Variants in HS3ST5 observed in about 807,000 individuals in gnomAD.
HS3ST5 encodes the protein heparan sulfate-glucosamine 3-sulfotransferase 5.
Under a neutral mutation model 25.4 loss-of-function variants are expected in HS3ST5, and 10 were observed. The ratio of observed to expected loss-of-function variants is 0.39; its 90% CI spans 0.24 to 0.67. The LOEUF (loss-of-function observed/expected upper bound fraction) is 0.67, where lower values mean the gene tolerates loss of function less well. HS3ST5 is among the 30% of genes least tolerant of loss of function. The pLI, the probability that HS3ST5 is intolerant of heterozygous loss-of-function variation, is 0.44. For missense variants in HS3ST5, 324 were observed against 420.7 expected (o/e 0.77, Z 2.01); for synonymous variants, 170 against 162.4 (o/e 1.05, Z -0.36).
chr6:114,321,477 G>A (rs1471336552), intron 1 of HS3ST5, among the ~76,000 whole-genome samples: 1 of 152,042 alleles, frequency 6.6e-6, no homozygotes, highest in African/African-American at 2.4e-5. Flanking sequence ...TCTGGCTTGA[G>A]TTATTGCTCT....
chr6:114,253,296 G>C (rs1002320580), intron 1 of HS3ST5, among the ~76,000 whole-genome samples: 6 of 152,094 alleles, frequency 3.9e-5, no homozygotes, highest in African/African-American at 1.4e-4. Flanking sequence ...AAGATATTTT[G>C]CGTATTTGGA....
At chr6:114,058,912 T>C (rs1772935243) in intron 4 of HS3ST5, 1 of 152,224 alleles carries the variant, frequency 6.6e-6, no homozygotes, top group Non-Finnish European at 1.5e-5. Flanking sequence ...AAGTGCTGTA[T>C]ATCACCTACC....
intron 1 of HS3ST5, among the ~76,000 whole-genome samples, chr6:114,233,234 T>A (rs1771691613): frequency 6.6e-6 from 1 of 152,172 alleles, no homozygotes; most frequent in African/African-American, 2.4e-5. Flanking sequence ...GAATTACTTA[T>A]AAGTATATTG....
At chr6:114,204,616 T>G (rs552646470) in intron 2 of HS3ST5, among the ~76,000 whole-genome samples, 3 of 152,312 alleles carry the variant, frequency 2.0e-5, no homozygotes, top group Non-Finnish European at 4.4e-5. Context: ...AGTATTTTTT[T>G]GGGTAATTTT....
chr6:114,184,054 CTTTTTTTTTTT>C (rs34370810), intron 2 of HS3ST5, among the ~76,000 whole-genome samples: 7 of 78,692 alleles, frequency 8.9e-5, no homozygotes, highest in African/African-American at 2.5e-4. Flanking sequence ...TTTTTCCTTT[CTTTTTTTTTTT>C]TTTTTTTTTT....
At chr6:114,301,904 G>GA (rs1350528152) in intron 1 of HS3ST5, among the ~76,000 whole-genome samples, 5 of 152,090 alleles carry the variant, frequency 3.3e-5, no homozygotes, top group African/African-American at 1.2e-4. Flanking sequence ...TTTTTAAGAA[G>GA]AAAAAATAGC....
chr6:114,057,773 G>A lies in HS3ST5; in HGVS notation c.525C>T (p.Ser175=). 6.2e-7 allele frequency: 1 copy of A among 1,614,110 alleles called. No individual in the cohort carries two copies. Among genetic ancestry groups the A allele is most frequent in the Non-Finnish European group, 8.5e-7 (1 of 1,180,016 alleles). Residue 175 remains serine (S), a synonymous_variant, in exon 5 of 5, where the codon TCC becomes TCT. Coordinates refer to ENST00000312719, the MANE Select transcript of HS3ST5 (RefSeq NM_153612.4). ...CCCTGACAATGATCAACAACTTGAT[G>A]GATGAGTTCATTTTGTAAATCCTTT... ...VPERIYKMNS[S]IKLLIIVREP... is the part of the protein sequence containing the mutation.
At chr6:114,294,078 A>G (rs1259953937) in intron 1 of HS3ST5, among the ~76,000 whole-genome samples, 2 of 152,218 alleles carry the variant, frequency 1.3e-5, no homozygotes, top group Non-Finnish European at 2.9e-5. Context: ...GAGGGCACCT[A>G]ATCTCAATAA....
chr6:114,140,015 T>G (rs1161194471), intron 3 of HS3ST5, among the ~76,000 whole-genome samples: 1 of 152,210 alleles, frequency 6.6e-6, no homozygotes. Context: ...CTTTCCTGAG[T>G]GATGGATACA....
At position 114,057,238 on chromosome 6, in the gene HS3ST5, T is replaced by C. The variant is rs1244869454; in HGVS notation, c.*19A>G. 6.5e-7 allele frequency: 1 copy of C among 1,546,528 alleles called. No homozygotes were observed. On this transcript the variant is annotated 3_prime_UTR_variant, in exon 5 of 5. Coordinates refer to ENST00000312719, the MANE Select transcript of HS3ST5 (RefSeq NM_153612.4). ...GTGTGTCTCCAGGCACAACACATAG[T>C]GTTGTATGACATATTATTTTAGGGC...
At chr6:114,256,159 T>C (rs545528331) in intron 1 of HS3ST5, among the ~76,000 whole-genome samples, 5 of 152,094 alleles carry the variant, frequency 3.3e-5, no homozygotes, top group East Asian at 3.9e-4. Flanking sequence ...GAGGCCAAGG[T>C]GGGCAGATCA....
At chr6:114,084,304 C>A (rs1489542741) in intron 3 of HS3ST5, 2 of 771,260 alleles carry the variant, frequency 2.6e-6, no homozygotes, top group Non-Finnish European at 4.7e-6. Flanking sequence ...CACCTGCACA[C>A]CTTCAGACCA....
At chr6:114,312,087 C>A (rs1258783050) in intron 1 of HS3ST5, among the ~76,000 whole-genome samples, 1 of 152,088 alleles carries the variant, frequency 6.6e-6, no homozygotes, top group African/African-American at 2.4e-5. Context: ...TGAATTTAGG[C>A]AAAACTAATA....
chr6:114,235,616 T>G (rs1278661753), intron 1 of HS3ST5: 1 of 152,212 alleles, frequency 6.6e-6, no homozygotes, highest in Non-Finnish European at 1.5e-5. Context: ...TTTTGGATTT[T>G]TTTTCTTCTT....
intron 3 of HS3ST5, chr6:114,142,923 A>C (rs1777980445): frequency 6.6e-6 from 1 of 152,234 alleles, no homozygotes; most frequent in African/African-American, 2.4e-5. Flanking sequence ...TTGCCTAAAC[A>C]CATTAACGGG....
Position 114,282,239 on chromosome 6 carries a change from C to T in HS3ST5, c.-338-53461G>A, listed in dbSNP as rs115799606. Among the ~76,000 whole-genome samples the T allele has an allele frequency of 2.1e-3, 313 of 152,052 alleles. 1 individual carries two copies. The highest frequency in any genetic ancestry group is 7.3e-3 in the African/African-American group (302 of 41,516). ...CCATTTTTCTTGTTTACTTTGAAGG[C>T]TACCTCTCAAAAATGTAACATGCAG... On this transcript the variant is annotated intron_variant, in intron 1 of 4. Transcript: ENST00000312719.
chr6:114,236,765 A>G (rs1426476649), intron 1 of HS3ST5, among the ~76,000 whole-genome samples: 2 of 152,190 alleles, frequency 1.3e-5, no homozygotes, highest in Non-Finnish European at 2.9e-5. Context: ...ATTTAGATAC[A>G]CTTTTCCATC....
intron 1 of HS3ST5, among the ~76,000 whole-genome samples, chr6:114,242,059 C>T (rs1208785051): frequency 6.6e-6 from 1 of 152,112 alleles, no homozygotes; most frequent in African/African-American, 2.4e-5. Context: ...ATCTTCAGCA[C>T]CAAATTCAAT....
intron 2 of HS3ST5, among the ~76,000 whole-genome samples, chr6:114,204,690 T>C (rs535058530): frequency 1.1e-3 from 170 of 152,332 alleles, no homozygotes; most frequent in African/African-American, 3.6e-3. Flanking sequence ...TCCAGAATTA[T>C]TTTTTCTTTA....
Sources: gnomAD v4.1 joint callset for allele counts (sites outside exome capture counted in the v4.1 genomes callset) on GRCh38, gnomAD v4.1.1 for gene constraint, MANE v1.5 for transcripts, NCBI Gene and HGNC (gene_info 2026-07-23, HGNC 2026-07-21) for gene names.